The following TNK1 variants were observed in gnomAD, a reference collection of about 807,000 sequenced individuals.
TNK1 encodes the protein tyrosine kinase non receptor 1, also known as non-receptor tyrosine-protein kinase TNK1.
TNK1 carries 53 observed loss-of-function variants against 65.2 expected under a neutral mutation model. The observed-to-expected ratio is 0.81, with a 90% confidence interval of 0.65 to 1.02. The LOEUF is 1.02. Among genes scored for constraint, TNK1 ranks in the 50% least tolerant of loss-of-function variants. The pLI is 0.00. For synonymous variants in TNK1, 353 were observed against 364.6 expected, an observed-to-expected ratio of 0.97 and a Z score of 0.36; for missense variants, 837 against 878.4, an observed-to-expected ratio of 0.95 and a Z score of 0.60.
In TNK1 at chr17:7,382,775, G is replaced by C; in HGVS notation, c.-91-61G>C. On this transcript the variant is annotated intron_variant, in intron 1 of 12. Coordinates refer to ENST00000688331, the MANE Select transcript of TNK1 (RefSeq NM_003985.6). This position sits in a 1 kb window ranked among gnomAD's most constrained non-coding sequence, Gnocchi z 4.1. ...GGGATTTGTGTGCGTGAGTGGCAGGGATCCTGGCTGTCTCTGCTGTGTCCC... is the reference window on the plus strand; with the variant it reads ...GGGATTTGTGTGCGTGAGTGGCAGGCATCCTGGCTGTCTCTGCTGTGTCCC... 1.3e-6 allele frequency: 1 copy of C among 792,196 alleles called. No individual in the cohort carries two copies. The highest frequency in any genetic ancestry group is 2.0e-6 in the Non-Finnish European group (1 of 509,104). The allele number at this position is 792,196 out of a possible 1,614,324, so 49.1% of individuals were successfully genotyped here.
At chr17:7,386,717 G>C (rs1412041257) in intron 8 of TNK1, 62 bp downstream of exon 8, 1 of 1,386,560 alleles carries the variant, frequency 7.2e-7, no homozygotes, top group Non-Finnish European at 1.0e-6. Flanking sequence ...CCTAATTCCT[G>C]ATCCCTTCTC....
rs111534860 is a variant in TNK1, at chr17:7,383,451, C to T, written c.261C>T (p.His87=). ...TCCTTGGAGGTTTTGCCCCTGAGCA[C>T]AAGGAGCCCACCCTGCCCTCGGACA... ...YKILGGFAPE[H]KEPTLPSDSP... The change falls in exon 4 of 13, where the codon CAC becomes CAT. Residue 87 remains histidine, a synonymous_variant. Transcript: ENST00000688331. The T allele has an allele frequency of 1.7e-4, 272 of 1,613,954 alleles. 1 individual carries two copies. The African/African-American group carries it at 3.2e-3, about 19-fold the overall frequency.
chr17:7,383,183 C>T, intron 2 of TNK1, 67 bp from the exon 3 acceptor site: 1 of 1,612,414 alleles, frequency 6.2e-7, no homozygotes, highest in Non-Finnish European at 8.5e-7. Context: ...CTTTTCTTCC[C>T]TGTAAGTCTC....
Position 7,382,705 on chromosome 17 carries a change from A to C in TNK1, c.-91-131A>C. The stretch of plus-strand genomic sequence containing the variant: ...AGCAGGGCAGGTTACTCAGCGGTGA[A>C]GGGACAGAGTACCCGGATGCCTGGG... On this transcript the variant is annotated intron_variant, in intron 1 of 12. Coordinates refer to ENST00000688331, the MANE Select transcript of TNK1 (RefSeq NM_003985.6). The surrounding 1 kb of genome is among the most constrained non-coding windows in gnomAD (Gnocchi z 4.1). 1.9e-6 allele frequency: 1 copy of C among 524,026 alleles called. No homozygotes were observed. Among genetic ancestry groups the C allele is most frequent in the Admixed American group, 3.8e-5 (1 of 26,004 alleles). The allele number at this position is 524,026 out of a possible 1,614,324, so 32.5% of individuals were successfully genotyped here.
chr17:7,387,232 C>T, intron 9 of TNK1, 78 bp downstream of exon 9: 1 of 1,511,150 alleles, frequency 6.6e-7, no homozygotes, highest in Non-Finnish European at 8.9e-7. Flanking sequence ...GAAGAGAAGC[C>T]TGGGGACAGG....
chr17:7,384,138 CT>C lies in TNK1; in HGVS notation c.752del (p.Leu251HisfsTer61). On this transcript the variant is annotated frameshift_variant, in exon 6 of 13. Coordinates refer to ENST00000688331, the MANE Select transcript of TNK1 (RefSeq NM_003985.6). LOFTEE classifies it high-confidence loss of function. ...GCACCGAGACCTCGCTACGCGCAAC[CT>C]ACTGCTGGCGTCGCCGCGCACCATC... Reference protein sequence around the residue: ...LVHRDLATRNLLLASPRTIKV... With the variant: ...LVHRDLATRNXLLASPRTIKV... 1 of 1,546,346 alleles carries C rather than the reference CT, an allele frequency of 6.5e-7. No homozygotes were observed. Among genetic ancestry groups the C allele is most frequent in the Non-Finnish European group, 8.7e-7 (1 of 1,153,596 alleles).
At chr17:7,384,377 G>A (rs1905050769) in intron 6 of TNK1, 107 bp from the exon 7 acceptor site, 1 of 1,439,144 alleles carries the variant, frequency 6.9e-7, no homozygotes, top group African/African-American at 1.4e-5. Flanking sequence ...ATCCTCCTAG[G>A]CAAAGAGGAC....
At position 7,384,127 on chromosome 17, in the gene TNK1, C is replaced by T; in HGVS notation, c.740C>T (p.Ala247Val). Residue 247 changes from alanine (A) to valine (V), a missense_variant, in exon 6 of 13, where the codon GCT (alanine) becomes GTT (valine). Transcript: ENST00000688331. ...CGCGGGCTGGTGCACCGAGACCTCGCTACGCGCAACCTACTGCTGGCGTCG... is the reference window on the plus strand; with the variant it reads ...CGCGGGCTGGTGCACCGAGACCTCGTTACGCGCAACCTACTGCTGGCGTCG... ...GARGLVHRDL[A>V]TRNLLLASPR... 6.5e-7 allele frequency: 1 copy of T among 1,548,244 alleles called. No homozygotes were observed. Among genetic ancestry groups the T allele is most frequent in the South Asian group, 1.2e-5 (1 of 84,832 alleles).
chr17:7,387,408 G>A lies in TNK1; in HGVS notation c.1428G>A (p.Ala476=), dbSNP rs371755979. The A allele has an allele frequency of 2.7e-5, 44 of 1,605,530 alleles. No individual in the cohort carries two copies. Among genetic ancestry groups the A allele is most frequent in the African/African-American group, 1.2e-4 (9 of 74,784 alleles). The change falls in exon 10 of 13, where the codon GCG becomes GCA. Residue 476 remains alanine (A), a synonymous_variant. Coordinates refer to ENST00000688331, the MANE Select transcript of TNK1 (RefSeq NM_003985.6). ...GDRKKANLWD[A]PPARGQRRNM... ...GAAAGAAGGCAAATCTTTGGGATGCGCCCCCAGCACGGGGCCAGAGGAGGA... is the reference window on the plus strand; with the variant it reads ...GAAAGAAGGCAAATCTTTGGGATGCACCCCCAGCACGGGGCCAGAGGAGGA...
At chr17:7,385,417 G>A (rs905789567) in intron 7 of TNK1, among the ~76,000 whole-genome samples, 1 of 151,934 alleles carries the variant, frequency 6.6e-6, no homozygotes, top group African/African-American at 2.4e-5. Context: ...AGAGAGAGCA[G>A]GAGCTGTGTC....
chr17:7,386,281 A>G (rs1186990992), intron 7 of TNK1, among the ~76,000 whole-genome samples: 1 of 152,106 alleles, frequency 6.6e-6, no homozygotes, highest in Non-Finnish European at 1.5e-5. Context: ...CTGCTCTGAC[A>G]GGCCTGGATG....
At chr17:7,381,622 G>T (rs539896068) in intron 1 of TNK1, among the ~76,000 whole-genome samples, 27 of 152,202 alleles carry the variant, frequency 1.8e-4, no homozygotes, top group Non-Finnish European at 2.8e-4. Context: ...AGCCTCAGTG[G>T]CTCCATAGGC....
In TNK1 at chr17:7,382,512, C is replaced by T. The variant is rs2269762; in HGVS notation, c.-91-324C>T. Among the ~76,000 whole-genome samples the T allele has an allele frequency of 0.3, 45,755 of 151,966 alleles. 8,491 individuals carry two copies. The highest frequency in any genetic ancestry group is 0.46 in the East Asian group (2,396 of 5,166). On this transcript the variant is annotated intron_variant, in intron 1 of 12. Transcript: ENST00000688331. This position sits in a 1 kb window ranked among gnomAD's most constrained non-coding sequence, Gnocchi z 4.1. ...TCTCATGTTGGAGGAAGGGAGATGT[C>T]GTCTCAGGTGTGTATGAGTGAGTTT...
Position 7,382,335 on chromosome 17 carries a change from A to G in TNK1, c.-91-501A>G, listed in dbSNP as rs989258829. On this transcript the variant is annotated intron_variant, in intron 1 of 12. Coordinates refer to ENST00000688331, the MANE Select transcript of TNK1 (RefSeq NM_003985.6). This position sits in a 1 kb window ranked among gnomAD's most constrained non-coding sequence, Gnocchi z 4.1. ...GTTTTGCAGTATATCTGTAGGTCTC[A>G]GTGTGTGTGTGTGGCAGCATGTGGG... Among the ~76,000 whole-genome samples the G allele has an allele frequency of 4.0e-5, 6 of 150,578 alleles. No homozygotes were observed. Among genetic ancestry groups the G allele is most frequent in the African/African-American group, 1.5e-4 (6 of 40,962 alleles).
In TNK1 at chr17:7,383,006, T is replaced by G. The variant is rs775749356; in HGVS notation, c.80T>G (p.Leu27Arg). 1.9e-6 allele frequency: 3 copies of G among 1,614,042 alleles called. No individual in the cohort carries two copies. In the Admixed American group the frequency reaches 5.0e-5, roughly 27 times the overall value. Reference protein sequence around the residue: ...IQLAQFYWPILEELNVTRPEH... With the variant: ...IQLAQFYWPIREELNVTRPEH... ...TTGGCCCAGTTTTACTGGCCCATCCTTGAGGAGCTTAATGTCACTCGGCCA... is the reference window on the plus strand; with the variant it reads ...TTGGCCCAGTTTTACTGGCCCATCCGTGAGGAGCTTAATGTCACTCGGCCA... The change falls in exon 2 of 13, where the codon CTT (leucine) becomes CGT (arginine). Residue 27 changes from leucine (L) to arginine (R), a missense_variant. By Grantham distance (102) the Leu-to-Arg change is moderately radical. Transcript: ENST00000688331.
chr17:7,386,517 A>C (rs1437471380), intron 7 of TNK1, 44 bp from the exon 8 acceptor site: 1 of 1,481,890 alleles, frequency 6.7e-7, no homozygotes, highest in Admixed American at 1.9e-5. Flanking sequence ...TACCTATCTG[A>C]CTCAGGCCAC....
chr17:7,386,940 C>T, intron 8 of TNK1, 50 bp from the exon 9 acceptor site: 1 of 1,498,248 alleles, frequency 6.7e-7, no homozygotes, highest in African/African-American at 1.4e-5. Flanking sequence ...GGGCCCAGCC[C>T]TAACTCTTGC....
Position 7,387,130 on chromosome 17 carries a change from A to G in TNK1, c.1373A>G (p.Asp458Gly). 6.3e-7 allele frequency: 1 copy of G among 1,597,828 alleles called. No homozygotes were observed. The highest frequency in any genetic ancestry group is 8.5e-7 in the Non-Finnish European group (1 of 1,170,598). The stretch of plus-strand genomic sequence containing the variant: ...CACAGAGGCACCCCTGCCCGGGGAG[A>G]TCAACACCCAGGAAGCATAGATGGG... Reference protein sequence around the residue: ...PVHRGTPARGDQHPGSIDGDR... With the variant: ...PVHRGTPARGGQHPGSIDGDR... The change falls in exon 9 of 13, where the codon GAT (aspartate) becomes GGT (glycine). Residue 458 changes from aspartate to glycine, a missense_variant. Transcript: ENST00000688331.
chr17:7,387,765 C>T (rs766968640), intron 10 of TNK1, among the ~76,000 whole-genome samples: 5 of 152,074 alleles, frequency 3.3e-5, no homozygotes, highest in Admixed American at 6.6e-5. Flanking sequence ...CCACCACACC[C>T]GGCTAATTTT....
Sources: gnomAD v4.1 joint callset for allele counts (sites outside exome capture counted in the v4.1 genomes callset) on GRCh38, gnomAD v4.1.1 for gene constraint, Gnocchi (gnomAD v3.1) non-coding constraint, MANE v1.5 for transcripts, NCBI Gene and HGNC (gene_info 2026-07-23, HGNC 2026-07-21) for gene names.